The following TNKS variants were observed in gnomAD, a reference collection of about 807,000 sequenced individuals.
TNKS encodes the protein tankyrase, also known as poly [ADP-ribose] polymerase tankyrase-1.
TNKS carries 72 observed loss-of-function variants against 135.8 expected under a neutral mutation model. The observed-to-expected ratio is 0.53, with a 90% CI of 0.44 to 0.64. The LOEUF is 0.64. TNKS is among the 30% of genes least tolerant of loss of function. The pLI, the probability that TNKS is intolerant of heterozygous loss-of-function variation, is 0.00. For missense variants in TNKS, 1,769 were observed against 1,674.0 expected (o/e 1.06, Z -0.99); for synonymous variants, 849 against 649.3 (o/e 1.31, Z -4.68).
chr8:9,733,902 T>C (rs969618037), intron 15 of TNKS, among the ~76,000 whole-genome samples: 16 of 152,206 alleles, frequency 1.1e-4, no homozygotes, highest in African/African-American at 3.1e-4. Flanking sequence ...AGATGATCTC[T>C]AAAGTTGTTC....
chr8:9,613,137 T>C (rs1799522877), intron 2 of TNKS, among the ~76,000 whole-genome samples: 1 of 152,180 alleles, frequency 6.6e-6, no homozygotes, highest in Non-Finnish European at 1.5e-5. Context: ...ACTTGTGTTA[T>C]TGTCAGCTAC....
In TNKS at chr8:9,719,083, C is replaced by T. The variant is rs998540749; in HGVS notation, c.1750-1291C>T. 3.9e-5 allele frequency among the ~76,000 whole-genome samples: 6 copies of T among 152,194 alleles called. No individual in the cohort carries two copies. In the South Asian group the frequency reaches 8.3e-4, roughly 21 times the overall value. ...TGGTAGCTTGTGTTATCCATTGATA[C>T]ATGCTAATGGCTGTGCTTTTTTGTT... On this transcript the variant is annotated intron_variant, in intron 11 of 26. Coordinates refer to ENST00000310430, the MANE Select transcript of TNKS (RefSeq NM_003747.3).
At chr8:9,758,032 C>T (rs1003884732) in intron 20 of TNKS, among the ~76,000 whole-genome samples, 2 of 152,140 alleles carry the variant, frequency 1.3e-5, no homozygotes, top group African/African-American at 4.8e-5. Flanking sequence ...AGAATATAAA[C>T]AGGGAAAAGA....
chr8:9,686,497 G>A (rs928351511), intron 5 of TNKS, among the ~76,000 whole-genome samples: 8 of 152,062 alleles, frequency 5.3e-5, no homozygotes, highest in Non-Finnish European at 1.0e-4. Context: ...TGAAATACCT[G>A]ATTAAAAGAA....
At chr8:9,717,879 T>G (rs1188882643) in intron 11 of TNKS, among the ~76,000 whole-genome samples, 1 of 152,040 alleles carries the variant, frequency 6.6e-6, no homozygotes, top group East Asian at 1.9e-4. Flanking sequence ...ATTGGAGAAA[T>G]CTCATGAAGA....
intron 1 of TNKS, among the ~76,000 whole-genome samples, chr8:9,576,375 A>G (rs1345267512): frequency 2.0e-5 from 3 of 151,910 alleles, no homozygotes; most frequent in African/African-American, 7.3e-5. Flanking sequence ...AGGCCTCAGG[A>G]TATTTACAAT....
At chr8:9,607,987 T>TG (rs76415234) in intron 2 of TNKS, among the ~76,000 whole-genome samples, 13,065 of 152,200 alleles carry the variant, frequency 0.086, 581 homozygotes, top group South Asian at 0.19. Flanking sequence ...TCATTCAAGT[T>TG]GGAGTGCAGT....
intron 20 of TNKS, among the ~76,000 whole-genome samples, chr8:9,759,444 G>A (rs1807027202): frequency 6.6e-6 from 1 of 152,218 alleles, no homozygotes; most frequent in Non-Finnish European, 1.5e-5. Flanking sequence ...TTCCACGTTA[G>A]GTGTGAGAGC....
intron 3 of TNKS, among the ~76,000 whole-genome samples, chr8:9,645,007 G>C (rs1448677932): frequency 3.3e-5 from 5 of 152,128 alleles, no homozygotes; most frequent in African/African-American, 1.2e-4. Flanking sequence ...TGTATCATGG[G>C]TTTGGTGTAT....
Position 9,618,077 on chromosome 8 carries a change from C to G in TNKS, c.994+2400C>G, listed in dbSNP as rs780875966. Among the ~76,000 whole-genome samples the G allele has an allele frequency of 2.8e-4, 42 of 150,898 alleles. 1 individual carries two copies. Among genetic ancestry groups the G allele is most frequent in the African/African-American group, 8.1e-4 (33 of 40,972 alleles). ...TCTCAGCTCACTGCAACCTCCGTCT[C>G]CCGGGTTCAAGCGATTCTTCTGCCT... is the stretch of plus-strand genomic sequence containing the variant. On this transcript the variant is annotated intron_variant, in intron 3 of 26. Coordinates refer to ENST00000310430, the MANE Select transcript of TNKS (RefSeq NM_003747.3).
intron 13 of TNKS, among the ~76,000 whole-genome samples, chr8:9,727,079 A>G (rs1174465803): frequency 6.6e-6 from 1 of 152,214 alleles, no homozygotes; most frequent in East Asian, 1.9e-4. Context: ...CAAAATGTAT[A>G]AACTAGATCG....
chr8:9,577,705 G>T (rs922000507), intron 1 of TNKS, among the ~76,000 whole-genome samples: 1 of 152,110 alleles, frequency 6.6e-6, no homozygotes, highest in Non-Finnish European at 1.5e-5. Flanking sequence ...TGAGATTTGG[G>T]TGGGGCCACA....
chr8:9,677,918 G>A (rs1352726633), intron 3 of TNKS, among the ~76,000 whole-genome samples: 1 of 152,068 alleles, frequency 6.6e-6, no homozygotes, highest in Non-Finnish European at 1.5e-5. Context: ...TGCTTCACCT[G>A]AGGATTACTT....
chr8:9,668,405 G>C (rs1195873499), intron 3 of TNKS, among the ~76,000 whole-genome samples: 1 of 152,142 alleles, frequency 6.6e-6, no homozygotes, highest in Non-Finnish European at 1.5e-5. Flanking sequence ...TAGTTGTCAA[G>C]TATTTACAGA....
rs1379536733 is a variant in TNKS, at chr8:9,706,971, C to T, written c.1430C>T (p.Thr477Ile). Residue 477 changes from threonine (T) to isoleucine (I), a missense_variant, in exon 8 of 27, where the codon ACT becomes ATT. Thr to Ile is a moderately conservative substitution (Grantham distance 89, BLOSUM62 -1). This residue lies in a region of TNKS where 523 missense variants were observed against 541.0 expected (regional missense o/e 0.97). Transcript: ENST00000310430. The stretch of plus-strand genomic sequence containing the variant: ...AAAAGTGCTGTGGATATGGCTCCAA[C>T]TCCGGAGCTTAGGGAGAGATTGACT... ...HGKSAVDMAPTPELRERLTYE... is the reference protein window; with the variant it reads ...HGKSAVDMAPIPELRERLTYE... The T allele has an allele frequency of 5.6e-6, 9 of 1,606,940 alleles. No individual in the cohort carries two copies. Among genetic ancestry groups the T allele is most frequent in the Non-Finnish European group, 7.6e-6 (9 of 1,177,306 alleles).
intron 3 of TNKS, among the ~76,000 whole-genome samples, chr8:9,643,190 A>G (rs1800785197): frequency 6.8e-6 from 1 of 146,418 alleles, no homozygotes; most frequent in South Asian, 2.2e-4. Context: ...ACCCATTAGG[A>G]TGGCTATTGC....
intron 2 of TNKS, among the ~76,000 whole-genome samples, chr8:9,614,281 A>G (rs1299350237): frequency 6.6e-6 from 1 of 152,238 alleles, no homozygotes. Flanking sequence ...CTGGAAAACA[A>G]TAATGTTCAT....
At chr8:9,596,495 A>T (rs1377694355) in intron 2 of TNKS, among the ~76,000 whole-genome samples, 1 of 152,202 alleles carries the variant, frequency 6.6e-6, no homozygotes, top group South Asian at 2.1e-4. Flanking sequence ...AAATCTGCTA[A>T]TTATCTTTTT....
In TNKS at chr8:9,556,615, C is replaced by T. The variant is rs751573442; in HGVS notation, c.673+3C>T. ...TTCTCCCCTGCACTTCGCTGCAGGT[C>T]AGAGACTTTTGAATTGTTTATTAAG... On this transcript the variant is annotated splice_donor_region_variant and intron_variant, in intron 1 of 26. Coordinates refer to ENST00000310430, the MANE Select transcript of TNKS (RefSeq NM_003747.3). 10 of 1,613,128 alleles carry T rather than the reference C, an allele frequency of 6.2e-6. No homozygotes were observed. The highest frequency in any genetic ancestry group is 1.6e-4 in the Middle Eastern group (1 of 6,062).
Sources: gnomAD v4.1 joint callset for allele counts (sites outside exome capture counted in the v4.1 genomes callset) on GRCh38, gnomAD v4.1.1 for gene constraint, gnomAD v4.1.1 regional missense constraint, MANE v1.5 for transcripts, NCBI Gene and HGNC (gene_info 2026-07-23, HGNC 2026-07-21) for gene names.